MSI2: variants seen among roughly 807,000 people sequenced by gnomAD.
The protein encoded by MSI2 is musashi RNA binding protein 2.
MSI2 carries 17 observed loss-of-function variants against 45.6 expected under a neutral mutation model. The observed-to-expected ratio is 0.37, with a 90% CI of 0.26 to 0.56. The LOEUF (loss-of-function observed/expected upper bound fraction) is 0.56, where lower values mean the gene tolerates loss of function less well. Ranked by LOEUF, MSI2 falls within the 20% of genes least tolerant of loss-of-function variation. The pLI is 0.77. For missense variants in MSI2, 293 were observed against 444.2 expected (o/e 0.66, Z 3.06); for synonymous variants, 156 against 158.2 (o/e 0.99, Z 0.11).
chr17:57,370,769 G>A (rs1199904149), intron 5 of MSI2, among the ~76,000 whole-genome samples: 3 of 152,138 alleles, frequency 2.0e-5, no homozygotes, highest in South Asian at 2.1e-4. Flanking sequence ...AGAGACTTGC[G>A]CTACAACACA....
chr17:57,338,721 T>TG, intron 5 of MSI2, among the ~76,000 whole-genome samples: 1 of 152,352 alleles, frequency 6.6e-6, no homozygotes, highest in East Asian at 1.9e-4. Context: ...TTTTGGTCCC[T>TG]GCTATGGCTT....
Position 57,503,739 on chromosome 17 carries a change from T to TTTTG in MSI2, c.406-25917_406-25914dup, listed in dbSNP as rs537375515. Among the ~76,000 whole-genome samples the TTTTG allele has an allele frequency of 3.2e-4, 48 of 150,740 alleles. 1 individual carries two copies. Among genetic ancestry groups the TTTTG allele is most frequent in the Admixed American group, 2.2e-3 (33 of 15,100 alleles). On this transcript the variant is annotated intron_variant, in intron 6 of 13. Transcript: ENST00000284073. ...GCTTATGGTTTAGGGAGAGAGTTGT[T>TTTTG]TTTGTTTGTTTGTTTGTTTGTTTTT...
At chr17:57,632,472 A>G in intron 10 of MSI2, 1 of 1,066,102 alleles carries the variant, frequency 9.4e-7, no homozygotes, top group Non-Finnish European at 1.1e-6. Context: ...GTGCTGCCAC[A>G]TGACAGGCAC....
chr17:57,514,558 A>G (rs563455484), intron 6 of MSI2, among the ~76,000 whole-genome samples: 381 of 152,352 alleles, frequency 2.5e-3, no homozygotes, highest in Non-Finnish European at 4.7e-3. Context: ...CAGCTCTTGA[A>G]ATGAGAAAGA....
intron 6 of MSI2, among the ~76,000 whole-genome samples, chr17:57,424,997 A>G (rs895340933): frequency 2.0e-5 from 3 of 152,280 alleles, no homozygotes; most frequent in Admixed American, 2.0e-4. Flanking sequence ...TTCCTGGGGC[A>G]GGGTTAGTCA....
At chr17:57,531,048 C>G (rs965244604) in intron 7 of MSI2, among the ~76,000 whole-genome samples, 2 of 152,034 alleles carry the variant, frequency 1.3e-5, no homozygotes, top group Non-Finnish European at 2.9e-5. Context: ...TCGATTTTGT[C>G]CACTGCATTG....
At chr17:57,689,790 A>T in the MSI2 span, among the ~76,000 whole-genome samples, 1 of 152,160 alleles carries the variant, frequency 6.6e-6, no homozygotes, top group Non-Finnish European at 1.5e-5. Flanking sequence ...AACAGGATGG[A>T]TTCTTTGTGT....
At chr17:57,296,090 C>A (rs1910929272) in intron 5 of MSI2, among the ~76,000 whole-genome samples, 1 of 135,886 alleles carries the variant, frequency 7.4e-6, no homozygotes, top group Non-Finnish European at 1.5e-5. Flanking sequence ...CAGCTGACTA[C>A]CTGCTTAATG....
chr17:57,544,182 T>C (rs2087113928), intron 7 of MSI2, among the ~76,000 whole-genome samples: 2 of 152,274 alleles, frequency 1.3e-5, no homozygotes, highest in South Asian at 4.1e-4. Flanking sequence ...TGGCCCTCGG[T>C]TGGTTTCAGA....
At chr17:57,631,257 T>G (rs1214061918) in intron 10 of MSI2, 1 of 152,700 alleles carries the variant, frequency 6.5e-6, no homozygotes, top group Non-Finnish European at 1.5e-5. Context: ...AGACTCTTCA[T>G]CCTGGCTGTT....
At chr17:57,382,988 GGACACAGA>G (rs1195919642) in intron 5 of MSI2, among the ~76,000 whole-genome samples, 1 of 152,136 alleles carries the variant, frequency 6.6e-6, no homozygotes, top group Non-Finnish European at 1.5e-5. Context: ...ATTCACTTTG[GGACACAGA>G]GAAGGTTTGA....
chr17:57,556,780 A>G (rs889610479), intron 7 of MSI2, among the ~76,000 whole-genome samples: 1 of 152,262 alleles, frequency 6.6e-6, no homozygotes, highest in African/African-American at 2.4e-5. Flanking sequence ...AGGTAAAACC[A>G]TCTACAAAGT....
intron 8 of MSI2, among the ~76,000 whole-genome samples, chr17:57,609,371 T>A (rs1598447930): frequency 1.3e-5 from 2 of 152,160 alleles, no homozygotes; most frequent in Non-Finnish European, 2.9e-5. Flanking sequence ...AGCCAGACAG[T>A]CAGACGGTCA....
intron 2 of MSI2, 80 bp downstream of exon 2, chr17:57,257,218 C>CA: frequency 9.3e-6 from 1 of 107,354 alleles, no homozygotes; most frequent in South Asian, 1.5e-4. Flanking sequence ...GTGTAGGAGC[C>CA]CCCCCCCCCC....
chr17:57,542,587 G>C (rs2087074197), intron 7 of MSI2, among the ~76,000 whole-genome samples: 2 of 152,222 alleles, frequency 1.3e-5, no homozygotes, highest in African/African-American at 4.8e-5. Flanking sequence ...GACCAATTAA[G>C]TGAGACTGAA....
intron 6 of MSI2, among the ~76,000 whole-genome samples, chr17:57,528,201 C>A (rs1249827861): frequency 6.6e-6 from 1 of 152,050 alleles, no homozygotes; most frequent in Non-Finnish European, 1.5e-5. Flanking sequence ...CAGGTGCCCT[C>A]CCCCGGTGCG....
chr17:57,659,783 C>T (rs148807256), intron 11 of MSI2, among the ~76,000 whole-genome samples: 220 of 152,340 alleles, frequency 1.4e-3, no homozygotes, highest in African/African-American at 5.0e-3. Context: ...CAAGTAGCCT[C>T]AGCTTCTAGC....
intron 5 of MSI2, among the ~76,000 whole-genome samples, chr17:57,354,700 G>A (rs1163195269): frequency 2.0e-5 from 3 of 152,108 alleles, no homozygotes; most frequent in Admixed American, 2.0e-4. Flanking sequence ...TGAGGAAGGG[G>A]GTGGGAGAGG....
At chr17:57,363,974 C>T (rs2143918004) in intron 5 of MSI2, among the ~76,000 whole-genome samples, 1 of 152,290 alleles carries the variant, frequency 6.6e-6, no homozygotes, top group East Asian at 1.9e-4. Context: ...GGTCCCAGGC[C>T]ACTTCCCAGG....
Sources: gnomAD v4.1 joint callset for allele counts (sites outside exome capture counted in the v4.1 genomes callset) on GRCh38, gnomAD v4.1.1 for gene constraint, MANE v1.5 for transcripts, NCBI Gene and HGNC (gene_info 2026-07-23, HGNC 2026-07-21) for gene names.